Variants in LRRC36 observed in about 807,000 individuals in gnomAD.
LRRC36 encodes the protein leucine rich repeat containing 36.
A neutral mutation model predicts 81.1 loss-of-function variants in LRRC36; 62 were observed. That is an observed-to-expected ratio of 0.76 (90% CI 0.62 to 0.94). The LOEUF (loss-of-function observed/expected upper bound fraction) is 0.94. Ranked by LOEUF, LRRC36 falls within the 40% of genes least tolerant of loss-of-function variation. The probability of loss-of-function intolerance (pLI) is 0.00; values close to 1 mark genes in which losing one functional copy is unlikely to be tolerated. For synonymous variants in LRRC36, 334 were observed against 348.6 expected, an observed-to-expected ratio of 0.96 and a Z score of 0.47; for missense variants, 761 against 881.7, an observed-to-expected ratio of 0.86 and a Z score of 1.73.
intron 12 of LRRC36, among the ~76,000 whole-genome samples, chr16:67,381,843 T>C (rs2040123380): frequency 6.6e-6 from 1 of 152,174 alleles, no homozygotes; most frequent in Non-Finnish European, 1.5e-5. Flanking sequence ...GGTCCTGAAC[T>C]CCTGACCTTG....
chr16:67,376,700 T>C, intron 10 of LRRC36, 27 bp from the exon 11 acceptor site: 1 of 1,603,038 alleles, frequency 6.2e-7, no homozygotes, highest in Non-Finnish European at 8.5e-7. Context: ...AAGATTGGCC[T>C]GTGTGCCCAT....
In LRRC36 at chr16:67,376,711, C is replaced by T; in HGVS notation, c.1661-16C>T. 6.2e-7 allele frequency: 1 copy of T among 1,607,314 alleles called. No homozygotes were observed. The highest frequency in any genetic ancestry group is 8.5e-7 in the Non-Finnish European group (1 of 1,174,758). On this transcript the variant is annotated splice_polypyrimidine_tract_variant and intron_variant, in intron 10 of 13. Transcript: ENST00000329956. The stretch of plus-strand genomic sequence containing the variant: ...TTTTAAGATTGGCCTGTGTGCCCAT[C>T]CTGAATTTTTGGCAGGTCCTGCCCG...
At chr16:67,366,066 A>G (rs2039369374) in intron 7 of LRRC36, among the ~76,000 whole-genome samples, 1 of 152,084 alleles carries the variant, frequency 6.6e-6, no homozygotes, top group Non-Finnish European at 1.5e-5. Flanking sequence ...CTATTTCACT[A>G]TCATTCTTGA....
chr16:67,384,931 TC>T lies in LRRC36; in HGVS notation c.2109del (p.Ala706ArgfsTer36). ...GCTGAATAAGGAGCCAAAAGGTTATTCCGGGAAAGCGCTCCTGCCTCCTGAG... is the reference window on the plus strand; with the variant it reads ...GCTGAATAAGGAGCCAAAAGGTTATTCGGGAAAGCGCTCCTGCCTCCTGAG... ...QQLNKEPKGY[S>X]GKALLPPEKG... On this transcript the variant is annotated frameshift_variant, in exon 14 of 14. Coordinates refer to ENST00000329956, the MANE Select transcript of LRRC36 (RefSeq NM_018296.6). LOFTEE classifies it high-confidence loss of function. The T allele has an allele frequency of 1.2e-6, 2 of 1,614,238 alleles. No individual in the cohort carries two copies. Among genetic ancestry groups the T allele is most frequent in the Non-Finnish European group, 1.7e-6 (2 of 1,180,036 alleles).
chr16:67,384,850 C>A lies in LRRC36; in HGVS notation c.2046-20C>A. 6.2e-7 allele frequency: 1 copy of A among 1,601,862 alleles called. No homozygotes were observed. Among genetic ancestry groups the A allele is most frequent in the Non-Finnish European group, 8.6e-7 (1 of 1,169,400 alleles). Reference sequence around the variant, plus strand: ...CTTGCTTTTATGATTTCATGACTGCCTTTTTCCCTTGGGCCTCAGATCCCT... The same window carrying A: ...CTTGCTTTTATGATTTCATGACTGCATTTTTCCCTTGGGCCTCAGATCCCT... On this transcript the variant is annotated intron_variant, in intron 13 of 13. Coordinates refer to ENST00000329956, the MANE Select transcript of LRRC36 (RefSeq NM_018296.6).
intron 1 of LRRC36, among the ~76,000 whole-genome samples, chr16:67,340,987 G>GTACTACA (rs1567470058): frequency 5.4e-4 from 68 of 125,892 alleles, no homozygotes; most frequent in African/African-American, 1.1e-3. Flanking sequence ...TATAGAATAT[G>GTACTACA]TATATTATAT....
intron 1 of LRRC36, among the ~76,000 whole-genome samples, chr16:67,331,927 G>T (rs2037511659): frequency 6.6e-6 from 1 of 151,704 alleles, no homozygotes; most frequent in Admixed American, 6.6e-5. Flanking sequence ...GGCGGAGGTT[G>T]CAGTAAGCCA....
chr16:67,383,938 C>A (rs2040201726), intron 13 of LRRC36, among the ~76,000 whole-genome samples: 1 of 152,178 alleles, frequency 6.6e-6, no homozygotes, highest in South Asian at 2.1e-4. Context: ...AAAATGCATT[C>A]ATAGTGGTGT....
chr16:67,382,282 C>T (rs772614281), intron 13 of LRRC36, 35 bp downstream of exon 13: 2 of 1,419,470 alleles, frequency 1.4e-6, no homozygotes, highest in Non-Finnish European at 2.0e-6. Flanking sequence ...CTTCTAGAAG[C>T]AGATATTTAC....
chr16:67,371,536 T>A, intron 9 of LRRC36: 1 of 416,520 alleles, frequency 2.4e-6, no homozygotes, highest in Non-Finnish European at 4.5e-6. Flanking sequence ...CTCATCATAT[T>A]TACACATTTG....
chr16:67,338,865 A>ATT (rs71145967), intron 1 of LRRC36, among the ~76,000 whole-genome samples: 1 of 45,404 alleles, frequency 2.2e-5, no homozygotes, highest in Non-Finnish European at 4.2e-5. Context: ...TGGAAGCTGA[A>ATT]TTTTTTTTTT....
At chr16:67,350,008 G>A (rs532480024) in intron 4 of LRRC36, among the ~76,000 whole-genome samples, 194 bp from the exon 5 acceptor site, 1 of 152,228 alleles carries the variant, frequency 6.6e-6, no homozygotes, top group South Asian at 2.1e-4. Flanking sequence ...TGATCCACCC[G>A]CCTCGGCCTC....
intron 1 of LRRC36, among the ~76,000 whole-genome samples, chr16:67,340,159 A>C (rs1231247354): frequency 6.6e-6 from 1 of 152,076 alleles, no homozygotes; most frequent in Non-Finnish European, 1.5e-5. Flanking sequence ...TAAATAAATA[A>C]TAAAATAAAA....
chr16:67,341,575 A>G (rs1009308516), intron 1 of LRRC36, among the ~76,000 whole-genome samples: 1 of 151,636 alleles, frequency 6.6e-6, no homozygotes, highest in Non-Finnish European at 1.5e-5. Context: ...AATTTTTTTT[A>G]CTATCTTAAA....
At chr16:67,383,071 CAAAAAAAAAAAA>C (rs59297593) in intron 13 of LRRC36, among the ~76,000 whole-genome samples, 20 of 44,394 alleles carry the variant, frequency 4.5e-4, no homozygotes, top group Middle Eastern at 0.013. Flanking sequence ...GGCTCCGTCT[CAAAAAAAAAAAA>C]AAAAAAAAAA....
chr16:67,327,215 C>A (rs1004027655), intron 1 of LRRC36, among the ~76,000 whole-genome samples: 1 of 151,952 alleles, frequency 6.6e-6, no homozygotes, highest in African/African-American at 2.4e-5. Flanking sequence ...GGGGACCCTG[C>A]CGCAGGTGAC....
chr16:67,345,744 G>C (rs558173916), intron 2 of LRRC36, among the ~76,000 whole-genome samples: 4 of 151,738 alleles, frequency 2.6e-5, no homozygotes, highest in Middle Eastern at 3.4e-3. Context: ...TGAGATATGA[G>C]AACACAACAC....
intron 4 of LRRC36, among the ~76,000 whole-genome samples, chr16:67,349,130 CA>C (rs2142029531): frequency 6.6e-6 from 1 of 152,202 alleles, no homozygotes; most frequent in South Asian, 2.1e-4. Flanking sequence ...ACATTCACTA[CA>C]AAAATACAGA....
chr16:67,382,144 C>T lies in LRRC36; in HGVS notation c.1942C>T (p.His648Tyr). The T allele has an allele frequency of 6.2e-7, 1 of 1,613,168 alleles. No homozygotes were observed. The highest frequency in any genetic ancestry group is 8.5e-7 in the Non-Finnish European group (1 of 1,179,186). ...QQSHTYDDLL[H>Y]KNQQLTMQVA... is the part of the protein sequence containing the mutation. ...TGTGCCCTTTGTAGATGATCTTCTG[C>T]ACAAAAACCAACAGCTGACCATGCA... Residue 648 changes from histidine (H) to tyrosine (Y), a missense_variant, in exon 13 of 14, where the codon CAC becomes TAC. By Grantham distance (83) the His-to-Tyr change is moderately conservative (BLOSUM62 2). This residue lies in a region of LRRC36 where 359 missense variants were observed against 388.4 expected (regional missense o/e 0.92). Transcript: ENST00000329956.
Sources: allele counts gnomAD v4.1 joint callset (sites outside exome capture counted in the v4.1 genomes callset), GRCh38; gene constraint gnomAD v4.1.1; regional missense constraint gnomAD v4.1.1; transcripts MANE v1.5; gene names NCBI Gene and HGNC (gene_info 2026-07-23, HGNC 2026-07-21).